The following KCTD17 variants were observed in gnomAD, a reference collection of about 807,000 sequenced individuals.
KCTD17 encodes potassium channel tetramerization domain containing 17.
Under a neutral mutation model 41.5 loss-of-function variants are expected in KCTD17, and 20 were observed. That is an observed-to-expected ratio of 0.48 (90% confidence interval 0.34 to 0.70). The LOEUF is 0.70. Among genes scored for constraint, KCTD17 ranks in the 30% least tolerant of loss-of-function variants. The pLI is 0.01. For synonymous variants in KCTD17, 156 were observed against 173.8 expected (o/e 0.90, Z 0.80); for missense variants, 317 against 427.2 (o/e 0.74, Z 2.27).
At position 37,053,080 on chromosome 22, in the gene KCTD17, A is replaced by G. The variant is rs1409957272; in HGVS notation, c.190-20A>G. Reference sequence around the variant, plus strand: ...GAGAAGCCTCACTCTTCTCTCACCGAGCATCCCTCACCTCCATAGGATGAG... The same window carrying G: ...GAGAAGCCTCACTCTTCTCTCACCGGGCATCCCTCACCTCCATAGGATGAG... On this transcript the variant is annotated intron_variant, in intron 1 of 8. Transcript: ENST00000403888. The surrounding 1 kb of genome is among the most constrained non-coding windows in gnomAD (Gnocchi z 4.1). 1.9e-6 allele frequency: 3 copies of G among 1,552,946 alleles called. No individual in the cohort carries two copies. In the Admixed American group the frequency reaches 5.7e-5, roughly 29 times the overall value.
chr22:37,055,297 C>G (rs577697341), intron 2 of KCTD17: 1 of 152,334 alleles, frequency 6.6e-6, no homozygotes, highest in South Asian at 2.1e-4. Context: ...CTAAATCAAC[C>G]CTGGTGATCA....
chr22:37,060,825 C>G lies in KCTD17; in HGVS notation c.615C>G (p.Ser205Arg). 18 of 1,509,784 alleles carry G rather than the reference C, an allele frequency of 1.2e-5. No individual in the cohort carries two copies. Among genetic ancestry groups the G allele is most frequent in the Non-Finnish European group, 1.5e-5 (17 of 1,128,006 alleles). 93.5% of individuals were successfully genotyped at this position (1,509,784 alleles called of 1,614,324 possible). A position where few individuals can be genotyped will look rare whatever the true frequency, so the allele number is the denominator to read the frequency against. ...LSSESSRKTKSTEEQLEEQQQ... is the reference protein window; with the variant it reads ...LSSESSRKTKRTEEQLEEQQQ... ...TGGGTCCGCCGGCTGGTTCACAGAG[C>G]ACGGAGGAGCAGCTGGAGGAGCAGC... is the stretch of plus-strand genomic sequence containing the variant. The change falls in exon 6 of 9, where the codon AGC becomes AGG. Residue 205 changes from serine to arginine, a missense_variant and splice_region_variant. By Grantham distance (110) the Ser-to-Arg change is moderately radical. Around this residue, in one of 4 missense-constraint regions of KCTD17, gnomAD observed 177 missense variants for 194.4 expected, o/e 0.91. Transcript: ENST00000403888.
intron 2 of KCTD17, chr22:37,055,235 C>G (rs1342220504): frequency 1.3e-5 from 2 of 152,246 alleles, no homozygotes; most frequent in African/African-American, 4.8e-5. Context: ...GGGAGGGACA[C>G]ACCTGGAGCA....
At chr22:37,054,303 C>G in intron 2 of KCTD17, among the ~76,000 whole-genome samples, 1 of 152,196 alleles carries the variant, frequency 6.6e-6, no homozygotes, top group Non-Finnish European at 1.5e-5. Context: ...TGCGTCGCAG[C>G]CAGCACCTGT....
Position 37,051,948 on chromosome 22 carries a change from G to A in KCTD17, c.188G>A (p.Arg63Gln), listed in dbSNP as rs1924530508. 2.0e-6 allele frequency: 3 copies of A among 1,478,436 alleles called. No individual in the cohort carries two copies. Among genetic ancestry groups the A allele is most frequent in the Admixed American group, 4.4e-5 (2 of 45,888 alleles). 91.6% of individuals were successfully genotyped at this position (1,478,436 alleles called of 1,614,324 possible). Reference protein sequence around the residue: ...LCQGEELQSDRDETGAYLIDR... With the variant: ...LCQGEELQSDQDETGAYLIDR... The stretch of plus-strand genomic sequence containing the variant: ...CAGGGGGAAGAGCTGCAGTCGGACC[G>A]GGTGAGGCCCCCGGGGTGGGCGGCG... The change falls in exon 1 of 9, where the codon CGG becomes CAG. Residue 63 changes from arginine (R) to glutamine (Q), a missense_variant and splice_region_variant. By Grantham distance (43) the Arg-to-Gln change is conservative. This residue lies in a region of KCTD17 where 99 missense variants were observed against 166.5 expected (regional missense o/e 0.59). Transcript: ENST00000403888.
At chr22:37,054,580 A>G (rs1001870139) in intron 2 of KCTD17, among the ~76,000 whole-genome samples, 4 of 152,094 alleles carry the variant, frequency 2.6e-5, no homozygotes, top group Non-Finnish European at 5.9e-5. Context: ...GAGGAGACTT[A>G]CTAGCTGTGT....
chr22:37,059,284 A>G (rs1354501628), intron 4 of KCTD17, 29 bp from the exon 5 acceptor site: 2 of 1,609,640 alleles, frequency 1.2e-6, no homozygotes, highest in African/African-American at 1.3e-5. Context: ...ACCAACCTGC[A>G]TTTTTCTCCC....
chr22:37,051,974 AGCGG>A, intron 1 of KCTD17, 25 bp downstream of exon 1: 1 of 1,419,840 alleles, frequency 7.0e-7, no homozygotes. Flanking sequence ...GTGGGCGGCG[AGCGG>A]GCGGTGGGTC....
At chr22:37,060,949 T>A (rs982643427) in intron 6 of KCTD17, 27 bp downstream of exon 6, 1 of 1,536,838 alleles carries the variant, frequency 6.5e-7, no homozygotes, top group Middle Eastern at 1.7e-4. Flanking sequence ...GGAGGATGAT[T>A]GCTAAGCAAA....
chr22:37,056,319 G>A lies in KCTD17; in HGVS notation c.299-1G>A, dbSNP rs1162227530. 1.2e-6 allele frequency: 2 copies of A among 1,612,428 alleles called. No homozygotes were observed. The highest frequency in any genetic ancestry group is 1.7e-5 in the Admixed American group (1 of 59,844). ...CCTGGGATCTGTTCTGTCTGTGCCA[G>A]GGGTCCTGGAGGAAGCCGAGTTCTA... is the stretch of plus-strand genomic sequence containing the variant. On this transcript the variant is annotated splice_acceptor_variant, in intron 2 of 8. Transcript: ENST00000403888. LOFTEE classifies it high-confidence loss of function.
chr22:37,062,657 C>T lies in KCTD17; in HGVS notation c.*63C>T. On this transcript the variant is annotated 3_prime_UTR_variant, in exon 9 of 9. Transcript: ENST00000403888. ...CTGAGAAGGAAGAAGCACCCTCTCCCCGGCCTCCTCTGTCTGCACCCGTGG... is the reference window on the plus strand; with the variant it reads ...CTGAGAAGGAAGAAGCACCCTCTCCTCGGCCTCCTCTGTCTGCACCCGTGG... 1 of 1,566,918 alleles carries T rather than the reference C, an allele frequency of 6.4e-7. No individual in the cohort carries two copies. The highest frequency in any genetic ancestry group is 8.7e-7 in the Non-Finnish European group (1 of 1,155,496).
chr22:37,060,286 A>G (rs1417210014), intron 5 of KCTD17, among the ~76,000 whole-genome samples: 1 of 151,894 alleles, frequency 6.6e-6, no homozygotes, highest in Non-Finnish European at 1.5e-5. Flanking sequence ...GCTGTGACGC[A>G]CCCTGCCTGC....
At chr22:37,060,460 T>C (rs948135010) in intron 5 of KCTD17, among the ~76,000 whole-genome samples, 1 of 152,056 alleles carries the variant, frequency 6.6e-6, no homozygotes, top group African/African-American at 2.4e-5. Context: ...CTTGGCCACA[T>C]TTCTACTGAG....
rs553209558 is a variant in KCTD17, at chr22:37,053,834, A to G, written c.298+626A>G. Among the ~76,000 whole-genome samples the G allele has an allele frequency of 2.6e-5, 4 of 152,300 alleles. No homozygotes were observed. In the South Asian group the frequency reaches 8.3e-4, roughly 32 times the overall value. ...GGGCCTAACAAACAGTGGGGAGGCC[A>G]TGTCTGGGAGAACGACCTGTTAGCA... On this transcript the variant is annotated intron_variant, in intron 2 of 8. Transcript: ENST00000403888. This position sits in a 1 kb window ranked among gnomAD's most constrained non-coding sequence, Gnocchi z 4.1.
In KCTD17 at chr22:37,055,397, C is replaced by T. The variant is rs1924984836; in HGVS notation, c.299-923C>T. 3 of 152,224 alleles carry T rather than the reference C, an allele frequency of 2.0e-5. 1 individual carries two copies. The highest frequency in any genetic ancestry group is 6.3e-3 in the Middle Eastern group (2 of 316). 9.4% of individuals were successfully genotyped at this position (152,224 alleles called of 1,614,324 possible). On this transcript the variant is annotated intron_variant, in intron 2 of 8. Transcript: ENST00000403888. ...TGATCCTACCCTGGGGACTCTACCCCCATGATCTCATTACCTCCCCTCCTA... is the reference window on the plus strand; with the variant it reads ...TGATCCTACCCTGGGGACTCTACCCTCATGATCTCATTACCTCCCCTCCTA...
chr22:37,061,330 C>A lies in KCTD17; in HGVS notation c.784+155C>A. ...CAGCCTCCCGTGCCCTCCACCCAGG[C>A]CCCCTGGCCCTGCATCCCAGAGCGT... On this transcript the variant is annotated intron_variant, in intron 7 of 8. Coordinates refer to ENST00000403888, the MANE Select transcript of KCTD17 (RefSeq NM_001282684.2). This position sits in a 1 kb window ranked among gnomAD's most constrained non-coding sequence, Gnocchi z 6.6. The A allele has an allele frequency of 3.4e-6, 5 of 1,492,058 alleles. No individual in the cohort carries two copies. Among genetic ancestry groups the A allele is most frequent in the Non-Finnish European group, 4.5e-6 (5 of 1,122,322 alleles). 92.4% of individuals were successfully genotyped at this position (1,492,058 alleles called of 1,614,324 possible). A position where few individuals can be genotyped will look rare whatever the true frequency, so the allele number is the denominator to read the frequency against.
At position 37,053,498 on chromosome 22, in the gene KCTD17, C is replaced by T. The variant is rs910866795; in HGVS notation, c.298+290C>T. ...CTGTGGCCTCTGCTGTGGGCTGTGA[C>T]GCCCTTTCTCTCTGGCCTCCTAGGA... is the stretch of plus-strand genomic sequence containing the variant. On this transcript the variant is annotated intron_variant, in intron 2 of 8. Transcript: ENST00000403888. The surrounding 1 kb of genome is among the most constrained non-coding windows in gnomAD (Gnocchi z 4.1). Among the ~76,000 whole-genome samples the T allele has an allele frequency of 6.6e-6, 1 of 152,220 alleles. No homozygotes were observed. The highest frequency in any genetic ancestry group is 1.5e-5 in the Non-Finnish European group (1 of 68,032).
Position 37,059,705 on chromosome 22 carries a change from T to C in KCTD17, c.612+267T>C, listed in dbSNP as rs58843694. The stretch of plus-strand genomic sequence containing the variant: ...ATGAAGGGGGCCGCTTAGTGGCCAC[T>C]GGGCACTGTGGCATGGACTAGGGGT... On this transcript the variant is annotated intron_variant, in intron 5 of 8. Transcript: ENST00000403888. 0.023 allele frequency among the ~76,000 whole-genome samples: 3,542 copies of C among 152,280 alleles called. 134 individuals are homozygous for C. The highest frequency in any genetic ancestry group is 0.081 in the African/African-American group (3,353 of 41,544).
At chr22:37,052,172 T>C (rs1601479169) in intron 1 of KCTD17, 2 of 576,854 alleles carry the variant, frequency 3.5e-6, no homozygotes, top group East Asian at 6.8e-5. Flanking sequence ...CCGCGGCCAT[T>C]AGAAGCTCTC....
Sources: allele counts gnomAD v4.1 joint callset (sites outside exome capture counted in the v4.1 genomes callset), GRCh38; gene constraint gnomAD v4.1.1; regional missense constraint gnomAD v4.1.1; non-coding constraint Gnocchi (gnomAD v3.1); transcripts MANE v1.5; gene names NCBI Gene and HGNC (gene_info 2026-07-23, HGNC 2026-07-21).